Variants in ATG10 observed in about 807,000 individuals in gnomAD.
ATG10 encodes ubiquitin-like-conjugating enzyme ATG10.
A neutral mutation model predicts 32.1 loss-of-function variants in ATG10; 30 were observed. The ratio of observed to expected loss-of-function variants is 0.94; its 90% confidence interval spans 0.70 to 1.27. The LOEUF (loss-of-function observed/expected upper bound fraction) is 1.27, where lower values mean the gene tolerates loss of function less well. ATG10 is among the 50% of genes most tolerant of loss of function. The pLI is 0.00. For synonymous variants in ATG10, 87 were observed against 91.5 expected (o/e 0.95, Z 0.28); for missense variants, 233 against 262.3 (o/e 0.89, Z 0.77).
chr5:82,115,083 A>G (rs1765752203), intron 3 of ATG10, among the ~76,000 whole-genome samples: 1 of 152,084 alleles, frequency 6.6e-6, no homozygotes, highest in Non-Finnish European at 1.5e-5. Flanking sequence ...TTTGTATTGA[A>G]TGGAGTAAAC....
intron 5 of ATG10, among the ~76,000 whole-genome samples, chr5:82,209,707 A>G (rs892402349): frequency 6.6e-6 from 1 of 152,078 alleles, no homozygotes; most frequent in Non-Finnish European, 1.5e-5. Flanking sequence ...TTTCCTTTTA[A>G]TTTGTGGCTT....
chr5:81,988,009 A>G (rs1480723622), intron 2 of ATG10, among the ~76,000 whole-genome samples: 2 of 152,218 alleles, frequency 1.3e-5, no homozygotes, highest in Admixed American at 6.5e-5. Context: ...CTAAGTTAAT[A>G]TTCTTAGGAA....
At chr5:82,009,233 T>C (rs1247209286) in intron 2 of ATG10, among the ~76,000 whole-genome samples, 1 of 152,194 alleles carries the variant, frequency 6.6e-6, no homozygotes, top group East Asian at 1.9e-4. Flanking sequence ...TAATTACTGA[T>C]TAATTGCTCT....
chr5:82,183,917 A>G (rs765013301), intron 5 of ATG10, among the ~76,000 whole-genome samples: 8 of 152,154 alleles, frequency 5.3e-5, no homozygotes, highest in Middle Eastern at 3.2e-3. Context: ...ATTGATGTTC[A>G]GTTTACCTCA....
intron 5 of ATG10, among the ~76,000 whole-genome samples, chr5:82,211,569 A>G (rs946290365): frequency 2.0e-5 from 3 of 152,182 alleles, no homozygotes; most frequent in African/African-American, 7.2e-5. Context: ...ATTGTCGTCA[A>G]CTGAACTTTG....
At chr5:82,096,095 A>T (rs1296329780) in intron 3 of ATG10, among the ~76,000 whole-genome samples, 1 of 152,178 alleles carries the variant, frequency 6.6e-6, no homozygotes, top group Non-Finnish European at 1.5e-5. Context: ...TAATCTTTCA[A>T]ATAAAAACAC....
At chr5:82,098,734 A>G (rs1424077441) in intron 3 of ATG10, among the ~76,000 whole-genome samples, 1 of 152,232 alleles carries the variant, frequency 6.6e-6, no homozygotes, top group African/African-American at 2.4e-5. Flanking sequence ...GGTCATTCAG[A>G]ATTGACTAAG....
chr5:82,242,874 G>A, intron 5 of ATG10: 2 of 445,572 alleles, frequency 4.5e-6, no homozygotes, highest in Non-Finnish European at 8.9e-6. Context: ...TGACACATAG[G>A]GAAAAATGGT....
chr5:82,040,441 AT>A lies in ATG10; in HGVS notation c.109-18050del, dbSNP rs777331787. Among the ~76,000 whole-genome samples, 182 of 152,344 alleles carry A rather than the reference AT, an allele frequency of 1.2e-3. 3 individuals are homozygous for A. The highest frequency in any genetic ancestry group is 2.8e-4 in the Non-Finnish European group (19 of 68,024). On this transcript the variant is annotated intron_variant, in intron 2 of 7. Transcript: ENST00000282185. The stretch of plus-strand genomic sequence containing the variant: ...CATTACTGGTGGCATTGAAAGGCAG[AT>A]TTTGAAAAGATCTTGGCACTATAAA...
At chr5:82,100,504 T>C (rs978285431) in intron 3 of ATG10, among the ~76,000 whole-genome samples, 13 of 152,024 alleles carry the variant, frequency 8.6e-5, no homozygotes, top group African/African-American at 2.9e-4. Flanking sequence ...GGCCCAGTAG[T>C]TGGCCCCTGA....
chr5:82,175,218 A>C (rs1743965262), intron 4 of ATG10, among the ~76,000 whole-genome samples: 1 of 152,228 alleles, frequency 6.6e-6, no homozygotes, highest in African/African-American at 2.4e-5. Context: ...CTGAAGAAAA[A>C]GAAATAAAGC....
At chr5:82,008,094 C>T (rs1762032399) in intron 2 of ATG10, among the ~76,000 whole-genome samples, 1 of 151,978 alleles carries the variant, frequency 6.6e-6, no homozygotes, top group South Asian at 2.1e-4. Context: ...TTCCAGTTTA[C>T]CTTATAGATC....
chr5:82,234,794 C>G (rs1746493920), intron 5 of ATG10, among the ~76,000 whole-genome samples: 1 of 152,164 alleles, frequency 6.6e-6, no homozygotes, highest in African/African-American at 2.4e-5. Flanking sequence ...AGAGGGAATA[C>G]CCAGTCTAGC....
At chr5:82,182,562 A>G (rs1334384770) in intron 5 of ATG10, among the ~76,000 whole-genome samples, 1 of 152,182 alleles carries the variant, frequency 6.6e-6, no homozygotes, top group African/African-American at 2.4e-5. Flanking sequence ...TTATTGATAT[A>G]CTCAGCAACC....
At chr5:82,130,134 T>G (rs1414510736) in intron 3 of ATG10, among the ~76,000 whole-genome samples, 1 of 152,154 alleles carries the variant, frequency 6.6e-6, no homozygotes, top group African/African-American at 2.4e-5. Context: ...GGCGGCTTTC[T>G]TTACACTGTG....
At chr5:82,031,896 C>T (rs1762752138) in intron 2 of ATG10, among the ~76,000 whole-genome samples, 1 of 152,236 alleles carries the variant, frequency 6.6e-6, no homozygotes, top group Non-Finnish European at 1.5e-5. Context: ...GTTGGCAACA[C>T]TGTATGGAAA....
At chr5:82,164,368 C>A (rs763998561) in intron 3 of ATG10, 31 bp from the exon 4 acceptor site, 2 of 1,607,918 alleles carry the variant, frequency 1.2e-6, no homozygotes, top group East Asian at 4.5e-5. Context: ...ATTAAGAAAC[C>A]CGTTTTCGTT....
chr5:82,249,623 T>C (rs1474680098), intron 5 of ATG10, among the ~76,000 whole-genome samples: 1 of 152,156 alleles, frequency 6.6e-6, no homozygotes, highest in African/African-American at 2.4e-5. Flanking sequence ...AGTTACCAGA[T>C]GAGGAAACAG....
At chr5:82,061,707 G>T (rs990302584) in intron 3 of ATG10, among the ~76,000 whole-genome samples, 1 of 142,842 alleles carries the variant, frequency 7.0e-6, no homozygotes, top group African/African-American at 2.6e-5. Flanking sequence ...TATAATATAT[G>T]TAATATAGTA....
Sources: gnomAD v4.1 joint callset for allele counts (sites outside exome capture counted in the v4.1 genomes callset) on GRCh38, gnomAD v4.1.1 for gene constraint, MANE v1.5 for transcripts, NCBI Gene and HGNC (gene_info 2026-07-23, HGNC 2026-07-21) for gene names.